Variants in PDZD2 observed in about 807,000 individuals in gnomAD.
The protein encoded by PDZD2 is PDZ domain containing 2.
A neutral mutation model predicts 220.7 loss-of-function variants in PDZD2; 90 were observed. The ratio of observed to expected loss-of-function variants is 0.41; its 90% CI spans 0.34 to 0.49. PDZD2 has a LOEUF of 0.49. PDZD2 is among the 20% of genes least tolerant of loss of function. The pLI is 0.28. For synonymous variants in PDZD2, 1,375 were observed against 1,450.5 expected (o/e 0.95, Z 1.18); for missense variants, 3,174 against 3,608.5 (o/e 0.88, Z 3.08).
intron 1 of PDZD2, among the ~76,000 whole-genome samples, chr5:31,728,002 CAAAA>C (rs11386922): frequency 1.8e-5 from 2 of 110,698 alleles, no homozygotes. Context: ...GACTCTGTCT[CAAAA>C]AAAAAAAAAA....
At chr5:31,882,077 A>G (rs927407852) in intron 2 of PDZD2, among the ~76,000 whole-genome samples, 1 of 152,132 alleles carries the variant, frequency 6.6e-6, no homozygotes, top group African/African-American at 2.4e-5. Context: ...CTGGGTGTGT[A>G]AAAACCCATC....
At chr5:31,752,551 A>C (rs1344921239) in intron 1 of PDZD2, among the ~76,000 whole-genome samples, 1 of 150,798 alleles carries the variant, frequency 6.6e-6, no homozygotes, top group Non-Finnish European at 1.5e-5. Flanking sequence ...TCTGTCTCAA[A>C]AATAAATAAA....
chr5:31,709,705 C>T (rs991818085), intron 1 of PDZD2, among the ~76,000 whole-genome samples: 1 of 152,036 alleles, frequency 6.6e-6, no homozygotes, highest in Non-Finnish European at 1.5e-5. Flanking sequence ...CCTGTAATCC[C>T]AACACTTTGG....
chr5:31,932,827 A>C (rs1745409558), intron 2 of PDZD2, among the ~76,000 whole-genome samples: 1 of 151,528 alleles, frequency 6.6e-6, no homozygotes, highest in Non-Finnish European at 1.5e-5. Context: ...GAATTTTACT[A>C]TTCTGAGTGC....
At chr5:31,994,980 G>T (rs1490077001) in intron 3 of PDZD2, among the ~76,000 whole-genome samples, 1 of 152,134 alleles carries the variant, frequency 6.6e-6, no homozygotes, top group Non-Finnish European at 1.5e-5. Context: ...TAAGCATTAG[G>T]TGGCTTTCAT....
chr5:32,057,762 T>A (rs1739220634), intron 11 of PDZD2, 34 bp downstream of exon 11: 1 of 1,461,384 alleles, frequency 6.8e-7, no homozygotes, highest in Admixed American at 1.8e-5. Context: ...CTTTATCCTA[T>A]TTTCCTTTCT....
In PDZD2 at chr5:31,639,731, A is replaced by G. The variant is rs1744868488; in HGVS notation, c.-361+294A>G. On this transcript the variant is annotated intron_variant, in intron 1 of 24. Coordinates refer to ENST00000438447, the MANE Select transcript of PDZD2 (RefSeq NM_178140.4). The surrounding 1 kb of genome is among the most constrained non-coding windows in gnomAD (Gnocchi z 4.1). The stretch of plus-strand genomic sequence containing the variant: ...CAACCGGAGACGCACTGCCGGGGGT[A>G]CTCAAGACAGGGCCGGGACCTCCTG... Among the ~76,000 whole-genome samples, 1 of 152,044 alleles carries G rather than the reference A, an allele frequency of 6.6e-6. No individual in the cohort carries two copies. Among genetic ancestry groups the G allele is most frequent in the East Asian group, 1.9e-4 (1 of 5,162 alleles).
chr5:31,767,420 T>C (rs2150194097), intron 1 of PDZD2, among the ~76,000 whole-genome samples: 1 of 152,356 alleles, frequency 6.6e-6, no homozygotes, highest in South Asian at 2.1e-4. Flanking sequence ...ACGGCAGTTC[T>C]CAGATGTGTC....
intron 1 of PDZD2, among the ~76,000 whole-genome samples, chr5:31,700,812 C>T (rs1213731613): frequency 6.6e-6 from 1 of 152,186 alleles, no homozygotes; most frequent in African/African-American, 2.4e-5. Flanking sequence ...GTCCCACATC[C>T]CAGGAAACCT....
intron 3 of PDZD2, among the ~76,000 whole-genome samples, chr5:31,989,420 T>TTTTTTTTTTTTTTTTTTTTTTTTA (rs1561277778): frequency 7.3e-6 from 1 of 136,798 alleles, no homozygotes; most frequent in African/African-American, 3.0e-5. Context: ...CATTTTCTTT[T>TTTTTTTTTTTTTTTTTTTTTTTTA]CTTTTTTTTT....
intron 1 of PDZD2, among the ~76,000 whole-genome samples, chr5:31,697,039 A>C (rs2150131479): frequency 6.6e-6 from 1 of 152,360 alleles, no homozygotes; most frequent in Non-Finnish European, 1.5e-5. Flanking sequence ...ATAGGGGCAT[A>C]ACTCGCCTGG....
chr5:32,014,706 C>CTTTTTTTTTTTTTTTTTTTTTTTTTTTT lies in PDZD2; in HGVS notation c.1407+4225_1407+4252dup, dbSNP rs556276502. Among the ~76,000 whole-genome samples the CTTTTTTTTTTTTTTTTTTTTTTTTTTTT allele has an allele frequency of 1.9e-4, 18 of 95,426 alleles. 3 individuals carry two copies. Among genetic ancestry groups the CTTTTTTTTTTTTTTTTTTTTTTTTTTTT allele is most frequent in the African/African-American group, 6.5e-4 (15 of 22,902 alleles). The allele number at this position is 95,426 out of a possible 152,430, so 62.6% of individuals were successfully genotyped here. ...ATTTTCTGCTCTGCAATGACAATTTCTTTTTTTTTTTTTTTTTTTTTTTTT... is the reference window on the plus strand; with the variant it reads ...ATTTTCTGCTCTGCAATGACAATTTCTTTTTTTTTTTTTTTTTTTTTTTTTTTTTTTTTTTTTTTTTTTTTTTTTTTTT... On this transcript the variant is annotated intron_variant, in intron 6 of 24. Coordinates refer to ENST00000438447, the MANE Select transcript of PDZD2 (RefSeq NM_178140.4).
chr5:31,951,483 A>C (rs1421818063), intron 2 of PDZD2, among the ~76,000 whole-genome samples: 1 of 152,204 alleles, frequency 6.6e-6, no homozygotes. Flanking sequence ...ATTAAGTTTC[A>C]ACATAAGAAT....
intron 2 of PDZD2, among the ~76,000 whole-genome samples, chr5:31,815,695 T>C (rs558019350): frequency 6.6e-6 from 1 of 152,330 alleles, no homozygotes; most frequent in East Asian, 1.9e-4. Context: ...GGAATCCCCT[T>C]GACCAAGAAG....
In PDZD2 at chr5:32,095,220, A is replaced by G. The variant is rs1581484708; in HGVS notation, c.7846-2059A>G. 2.0e-5 allele frequency among the ~76,000 whole-genome samples: 3 copies of G among 152,052 alleles called. No homozygotes were observed. The East Asian group carries it at 5.8e-4, about 29-fold the overall frequency. Reference sequence around the variant, plus strand: ...GGTGGCTTATTCTAGGGCCTTCCTCACCCCCTACTACTCACGCTCACCACG... The same window carrying G: ...GGTGGCTTATTCTAGGGCCTTCCTCGCCCCCTACTACTCACGCTCACCACG... On this transcript the variant is annotated intron_variant, in intron 21 of 24. Coordinates refer to ENST00000438447, the MANE Select transcript of PDZD2 (RefSeq NM_178140.4).
chr5:31,881,361 TGTG>T (rs1739897700), intron 2 of PDZD2, among the ~76,000 whole-genome samples: 1 of 144,270 alleles, frequency 6.9e-6, no homozygotes, highest in African/African-American at 2.7e-5. Context: ...TGTGTGTGTG[TGTG>T]TGTGTATATA....
At chr5:31,752,449 T>G (rs1350652690) in intron 1 of PDZD2, among the ~76,000 whole-genome samples, 1 of 152,122 alleles carries the variant, frequency 6.6e-6, no homozygotes, top group Non-Finnish European at 1.5e-5. Flanking sequence ...CTCGGGAGGC[T>G]GAGGCAGGAG....
intron 1 of PDZD2, among the ~76,000 whole-genome samples, chr5:31,777,834 A>T (rs1445615941): frequency 1.3e-5 from 2 of 152,212 alleles, no homozygotes; most frequent in South Asian, 4.1e-4. Context: ...TCTGGTGGGG[A>T]CTTGGAGAAC....
At chr5:32,093,428 T>C (rs995489621) in intron 21 of PDZD2, among the ~76,000 whole-genome samples, 4 of 152,130 alleles carry the variant, frequency 2.6e-5, no homozygotes, top group African/African-American at 9.7e-5. Flanking sequence ...AGAGTTACAT[T>C]GGTGTAGTCC....
Sources: gnomAD v4.1 joint callset for allele counts (sites outside exome capture counted in the v4.1 genomes callset) on GRCh38, gnomAD v4.1.1 for gene constraint, Gnocchi (gnomAD v3.1) non-coding constraint, MANE v1.5 for transcripts, NCBI Gene and HGNC (gene_info 2026-07-23, HGNC 2026-07-21) for gene names.